The following ARSG variants were observed in gnomAD, a reference collection of about 807,000 sequenced individuals.
The protein encoded by ARSG is ASG.
ARSG carries 37 observed loss-of-function variants against 50.5 expected under a neutral mutation model. The observed-to-expected ratio is 0.73, with a 90% CI of 0.56 to 0.96. The LOEUF (loss-of-function observed/expected upper bound fraction) is 0.96. Among genes scored for constraint, ARSG ranks in the 50% least tolerant of loss-of-function variants. ARSG has a pLI of 0.00. For missense variants in ARSG, 629 were observed against 675.3 expected (o/e 0.93, Z 0.76); for synonymous variants, 225 against 254.6 (o/e 0.88, Z 1.11).
At chr17:68,404,618 A>G (rs1172773527) in intron 11 of ARSG, among the ~76,000 whole-genome samples, 1 of 151,992 alleles carries the variant, frequency 6.6e-6, no homozygotes, top group Non-Finnish European at 1.5e-5. Context: ...TTTCTTGTCT[A>G]TGTCAAGGTT....
chr17:68,308,836 C>G (rs1284390590), intron 2 of ARSG, among the ~76,000 whole-genome samples: 1 of 152,252 alleles, frequency 6.6e-6, no homozygotes, highest in Non-Finnish European at 1.5e-5. Flanking sequence ...GACTCAGGAG[C>G]CCAGCTGGCT....
At chr17:68,272,319 C>T (rs12940934) in intron 1 of ARSG, among the ~76,000 whole-genome samples, 1 of 152,118 alleles carries the variant, frequency 6.6e-6, no homozygotes, top group African/African-American at 2.4e-5. Flanking sequence ...TTGAATGTAG[C>T]TCTTTTGAAA....
At chr17:68,448,983 T>C in the ARSG span, among the ~76,000 whole-genome samples, 1 of 152,230 alleles carries the variant, frequency 6.6e-6, no homozygotes, top group Non-Finnish European at 1.5e-5. Flanking sequence ...CGCACTGCTT[T>C]AGGTGGACTT....
the ARSG span, chr17:68,429,996 G>A: frequency 2.5e-6 from 4 of 1,614,102 alleles, no homozygotes; most frequent in Middle Eastern, 1.6e-4. Context: ...TTGTACGTAC[G>A]TTGAGAGGGT....
chr17:68,418,848 T>TA lies in ARSG; in HGVS notation c.1304-1339dup, dbSNP rs551224423. Among the ~76,000 whole-genome samples the TA allele has an allele frequency of 3.3e-5, 5 of 152,282 alleles. No homozygotes were observed. The South Asian group carries it at 1.0e-3, about 32-fold the overall frequency. On this transcript the variant is annotated intron_variant, in intron 11 of 11. Transcript: ENST00000621439. ...AGCTCTGCTTCTCCTGAGCAACTGA[T>TA]AAGTTTCTATCTCATTAATGTTTGG...
At chr17:68,358,365 C>A (rs2079128351) in intron 6 of ARSG, among the ~76,000 whole-genome samples, 1 of 151,850 alleles carries the variant, frequency 6.6e-6, no homozygotes, top group African/African-American at 2.4e-5. Context: ...CTAGCCTGGA[C>A]AACCTGGTGA....
intron 1 of ARSG, among the ~76,000 whole-genome samples, chr17:68,265,242 C>G (rs113652791): frequency 0.015 from 2,245 of 151,944 alleles, 51 homozygotes; most frequent in African/African-American, 0.05. Flanking sequence ...GCCTGTAATC[C>G]CAGCACTTTG....
chr17:68,368,919 G>A (rs916814150), intron 7 of ARSG, among the ~76,000 whole-genome samples, 175 bp downstream of exon 7: 5 of 152,224 alleles, frequency 3.3e-5, no homozygotes, highest in Non-Finnish European at 5.9e-5. Flanking sequence ...GTCCATTGGG[G>A]CCTCCAAGGC....
chr17:68,403,462 G>C (rs1031229342), intron 11 of ARSG, among the ~76,000 whole-genome samples: 1 of 152,220 alleles, frequency 6.6e-6, no homozygotes, highest in East Asian at 1.9e-4. Context: ...TGAAAACTGG[G>C]AATAGGATGA....
intron 2 of ARSG, among the ~76,000 whole-genome samples, chr17:68,328,438 C>T (rs1399711290): frequency 2.6e-5 from 4 of 152,108 alleles, no homozygotes; most frequent in East Asian, 1.9e-4. Context: ...GAGTTGGGGT[C>T]GTATTTGGAC....
At chr17:68,270,723 TA>T in intron 1 of ARSG, 1 of 915,646 alleles carries the variant, frequency 1.1e-6, no homozygotes. Context: ...CTGGCAGCTC[TA>T]AAATTCAATG....
At chr17:68,320,969 G>T (rs782253421) in intron 2 of ARSG, among the ~76,000 whole-genome samples, 12 of 152,094 alleles carry the variant, frequency 7.9e-5, no homozygotes, top group Non-Finnish European at 1.5e-4. Flanking sequence ...AATTTGCCAA[G>T]GACCATAACC....
At chr17:68,359,484 C>T (rs2079185195) in intron 6 of ARSG, 1 of 152,174 alleles carries the variant, frequency 6.6e-6, no homozygotes, top group African/African-American at 2.4e-5. Flanking sequence ...TATCTTCCTC[C>T]TAGGAGATTC....
chr17:68,428,697 G>C, the ARSG span: 1 of 680,134 alleles, frequency 1.5e-6, no homozygotes, highest in Non-Finnish European at 2.6e-6. Flanking sequence ...TTGCCCACTA[G>C]AGGTTTGCCA....
chr17:68,316,512 C>G (rs2077076043), intron 2 of ARSG, among the ~76,000 whole-genome samples: 1 of 152,188 alleles, frequency 6.6e-6, no homozygotes, highest in Non-Finnish European at 1.5e-5. Flanking sequence ...ATTCCTGGAT[C>G]TAAACTTCTA....
At chr17:68,298,963 A>G (rs2076309542) in intron 1 of ARSG, among the ~76,000 whole-genome samples, 1 of 152,174 alleles carries the variant, frequency 6.6e-6, no homozygotes, top group Non-Finnish European at 1.5e-5. Context: ...TTATAAAAAC[A>G]TATTTCATTG....
intron 5 of ARSG, among the ~76,000 whole-genome samples, chr17:68,352,000 G>T (rs1445006376): frequency 6.6e-6 from 1 of 151,800 alleles, no homozygotes; most frequent in Non-Finnish European, 1.5e-5. Flanking sequence ...TGCTGTCTTT[G>T]CTTCTAGCCC....
At chr17:68,400,030 G>A (rs1016637160) in intron 10 of ARSG, 2 of 152,262 alleles carry the variant, frequency 1.3e-5, no homozygotes, top group African/African-American at 4.8e-5. Context: ...GGAAGCCGCA[G>A]GTGTGGGGAG....
intron 8 of ARSG, among the ~76,000 whole-genome samples, chr17:68,380,815 C>T (rs2080397562): frequency 6.6e-6 from 1 of 152,102 alleles, no homozygotes; most frequent in Non-Finnish European, 1.5e-5. Flanking sequence ...ACAATCGTTT[C>T]CCTGCTTCCT....
Sources: gnomAD v4.1 joint callset for allele counts (sites outside exome capture counted in the v4.1 genomes callset) on GRCh38, gnomAD v4.1.1 for gene constraint, MANE v1.5 for transcripts, NCBI Gene and HGNC (gene_info 2026-07-23, HGNC 2026-07-21) for gene names.